Variants in RPS6KA3 observed in about 807,000 individuals in gnomAD.
RPS6KA3 encodes ribosomal protein S6 kinase A3.
RPS6KA3 carries 4 observed loss-of-function variants against 67.2 expected under a neutral mutation model. The observed-to-expected ratio is 0.06, with a 90% confidence interval of 0.03 to 0.14. The LOEUF (loss-of-function observed/expected upper bound fraction) is 0.14, where lower values mean the gene tolerates loss of function less well. Ranked by LOEUF, RPS6KA3 falls within the 10% of genes least tolerant of loss-of-function variation. The probability of loss-of-function intolerance (pLI) is 1.00; values close to 1 mark genes in which losing one functional copy is unlikely to be tolerated. For synonymous variants in RPS6KA3, 182 were observed against 183.7 expected (o/e 0.99, Z 0.07); for missense variants, 204 against 559.0 (o/e 0.36, Z 6.40).
intron 2 of RPS6KA3, among the ~76,000 whole-genome samples, chrX:20,214,617 T>C (rs1188847107): frequency 9.0e-6 from 1 of 111,203 alleles, no homozygotes; most frequent in Non-Finnish European, 1.9e-5. Flanking sequence ...AGGGTCTTCT[T>C]TCCTTCAGAA....
chrX:20,166,167 A>G (rs1342063364), intron 17 of RPS6KA3, among the ~76,000 whole-genome samples: 1 of 112,257 alleles, frequency 8.9e-6, no homozygotes, highest in African/African-American at 3.2e-5. Context: ...CTTTTTTATC[A>G]TAAGCTTCTC....
At chrX:20,209,444 A>C (rs367622768) in intron 2 of RPS6KA3, 40 bp from the exon 3 acceptor site, 28 of 714,188 alleles carry the variant, frequency 3.9e-5, no homozygotes, top group Non-Finnish European at 6.1e-5. Context: ...AGGGTTAGCC[A>C]GAGCTATTTT....
intron 1 of RPS6KA3, among the ~76,000 whole-genome samples, chrX:20,262,613 T>A (rs2070264398): frequency 1.8e-5 from 2 of 111,597 alleles, no homozygotes; most frequent in African/African-American, 6.5e-5. Context: ...AAAACTGACA[T>A]CCTCTATCAT....
intron 4 of RPS6KA3, among the ~76,000 whole-genome samples, chrX:20,201,978 T>TC: frequency 1.0e-5 from 1 of 97,506 alleles, no homozygotes; most frequent in African/African-American, 3.8e-5. Context: ...TCTTTTTTCT[T>TC]TTTTTTTTTT....
chrX:20,263,859 T>C (rs1039118303), intron 1 of RPS6KA3, among the ~76,000 whole-genome samples: 1 of 111,334 alleles, frequency 9.0e-6, no homozygotes, highest in African/African-American at 3.3e-5. Flanking sequence ...GAATTCACAG[T>C]GTACTAGGGA....
intron 2 of RPS6KA3, among the ~76,000 whole-genome samples, chrX:20,228,513 C>T (rs997619739): frequency 2.7e-5 from 3 of 111,469 alleles, no homozygotes; most frequent in African/African-American, 9.8e-5. Flanking sequence ...CCTACTTCTT[C>T]CTGTGTCCAA....
intron 5 of RPS6KA3, 108 bp from the exon 6 acceptor site, chrX:20,194,376 A>G: frequency 2.0e-6 from 1 of 505,644 alleles, no homozygotes; most frequent in Non-Finnish European, 3.4e-6. Context: ...TCAAATGTCC[A>G]AACTTACTTT....
At chrX:20,178,636 CTTTTTTT>C (rs757383642) in intron 10 of RPS6KA3, among the ~76,000 whole-genome samples, 92 of 39,436 alleles carry the variant, frequency 2.3e-3, no homozygotes, top group East Asian at 5.2e-3. Flanking sequence ...CCACACCTGG[CTTTTTTT>C]TTTTTTTTTT....
intron 2 of RPS6KA3, among the ~76,000 whole-genome samples, chrX:20,224,508 T>C (rs777200575): frequency 2.7e-5 from 3 of 111,893 alleles, no homozygotes; most frequent in Non-Finnish European, 5.6e-5. Flanking sequence ...ATGTTCTTAA[T>C]TGATTCCACT....
intron 7 of RPS6KA3, among the ~76,000 whole-genome samples, chrX:20,191,512 C>A (rs951165962): frequency 1.8e-5 from 2 of 111,604 alleles, no homozygotes; most frequent in Non-Finnish European, 1.9e-5. Context: ...TACTATTTCT[C>A]CACATCCTCT....
At chrX:20,260,946 C>T (rs761602096) in intron 1 of RPS6KA3, among the ~76,000 whole-genome samples, 1 of 111,933 alleles carries the variant, frequency 8.9e-6, no homozygotes. Flanking sequence ...GCTATTAATC[C>T]AAATAACCCC....
At chrX:20,224,330 T>C (rs780604112) in intron 2 of RPS6KA3, among the ~76,000 whole-genome samples, 3 of 110,897 alleles carry the variant, frequency 2.7e-5, no homozygotes, top group Non-Finnish European at 5.7e-5. Context: ...GGGCTGAGTA[T>C]GGGGACTGTG....
chrX:20,248,481 ATTTTT>A (rs1216851684), intron 1 of RPS6KA3, among the ~76,000 whole-genome samples: 1 of 109,175 alleles, frequency 9.2e-6, no homozygotes, highest in Non-Finnish European at 1.9e-5. Context: ...ATGCTTTTTA[ATTTTT>A]TTTTATTTTT....
chrX:20,178,944 C>T (rs2067774868), intron 10 of RPS6KA3, among the ~76,000 whole-genome samples: 1 of 110,320 alleles, frequency 9.1e-6, no homozygotes, highest in Non-Finnish European at 1.9e-5. Flanking sequence ...AAGAAGGTAA[C>T]TCCAAGGGTA....
intron 2 of RPS6KA3, among the ~76,000 whole-genome samples, chrX:20,230,206 G>T (rs2069224912): frequency 8.9e-6 from 1 of 111,945 alleles, no homozygotes; most frequent in African/African-American, 3.2e-5. Flanking sequence ...ACTGGGTACT[G>T]GGCACAGACA....
intron 10 of RPS6KA3, among the ~76,000 whole-genome samples, chrX:20,185,886 T>C (rs2067967876): frequency 8.9e-6 from 1 of 112,349 alleles, no homozygotes; most frequent in African/African-American, 3.2e-5. Context: ...TTCTTAGTTA[T>C]TTCTTATACT....
In RPS6KA3 at chrX:20,193,605, C is replaced by G. The variant is rs753129555; in HGVS notation, c.487-12G>C. ...TCTGTGAACATCACCTAAAATAAAA[C>G]AATAATTTTTCTAAATTTATTTTCT... is the stretch of plus-strand genomic sequence containing the variant. On this transcript the variant is annotated splice_polypyrimidine_tract_variant and intron_variant, in intron 6 of 21. Transcript: ENST00000379565. The G allele has an allele frequency of 9.5e-6, 10 of 1,054,701 alleles. No individual in the cohort carries two copies. The allele number at this position is 1,054,701 out of a possible 1,213,427, so 86.9% of individuals were successfully genotyped here.
Position 20,188,859 on chromosome X carries a change from G to A in RPS6KA3, c.594-325C>T, listed in dbSNP as rs746184342. Among the ~76,000 whole-genome samples, 5 of 112,708 alleles carry A rather than the reference G, an allele frequency of 4.4e-5. No individual in the cohort carries two copies. In the East Asian group the frequency reaches 1.4e-3, roughly 31 times the overall value. ...ACGTAGTTTGACTAAACCCCCTAGT[G>A]CCTGCATTAATAGACAGAGGGTCCA... On this transcript the variant is annotated intron_variant, in intron 7 of 21. Transcript: ENST00000379565.
chrX:20,239,564 T>C (rs1265632425), intron 1 of RPS6KA3, among the ~76,000 whole-genome samples: 1 of 111,909 alleles, frequency 8.9e-6, no homozygotes, highest in Non-Finnish European at 1.9e-5. Flanking sequence ...GCAGATTGTA[T>C]ATATGCAAAT....
Sources: allele counts gnomAD v4.1 joint callset (sites outside exome capture counted in the v4.1 genomes callset), GRCh38; gene constraint gnomAD v4.1.1; transcripts MANE v1.5; gene names NCBI Gene and HGNC (gene_info 2026-07-23, HGNC 2026-07-21).